The following HMCN1 variants were observed in gnomAD, a reference collection of about 807,000 sequenced individuals.
HMCN1 encodes the protein hemicentin 1.
Under a neutral mutation model 625.9 loss-of-function variants are expected in HMCN1, and 321 were observed. That is an observed-to-expected ratio of 0.51 (90% CI 0.47 to 0.56). The LOEUF (loss-of-function observed/expected upper bound fraction) is 0.56, where lower values mean the gene tolerates loss of function less well. HMCN1 is among the 20% of genes least tolerant of loss of function. HMCN1 has a pLI of 0.00. For synonymous variants in HMCN1, 2,425 were observed against 2,417.6 expected (o/e 1.00, Z -0.09); for missense variants, 6,588 against 6,887.3 (o/e 0.96, Z 1.54).
In HMCN1 at chr1:186,039,147, T is replaced by C. The variant is rs1656031382; in HGVS notation, c.6028+142T>C. 4 of 713,666 alleles carry C rather than the reference T, an allele frequency of 5.6e-6. No homozygotes were observed. In the South Asian group the frequency reaches 6.1e-5, roughly 11 times the overall value. 44.2% of individuals were successfully genotyped at this position (713,666 alleles called of 1,614,324 possible). A position where few individuals can be genotyped will look rare whatever the true frequency, so the allele number is the denominator to read the frequency against. ...TAAGGGCACAGTGTTCTAAAACTTA[T>C]AAATGTGCTTATTCCTGATTCCTAT... is the stretch of plus-strand genomic sequence containing the variant. On this transcript the variant is annotated intron_variant, in intron 38 of 106. Coordinates refer to ENST00000271588, the MANE Select transcript of HMCN1 (RefSeq NM_031935.3).
chr1:185,994,292 A>G (rs547851035), intron 23 of HMCN1, among the ~76,000 whole-genome samples: 1 of 152,252 alleles, frequency 6.6e-6, no homozygotes, highest in Non-Finnish European at 1.5e-5. Flanking sequence ...AAGTCGATAA[A>G]AGGAAGAGAT....
At chr1:185,931,439 G>T (rs1667544086) in intron 10 of HMCN1, among the ~76,000 whole-genome samples, 1 of 152,122 alleles carries the variant, frequency 6.6e-6, no homozygotes, top group Admixed American at 6.6e-5. Flanking sequence ...ATATTTCAAT[G>T]TGTATAATAT....
intron 12 of HMCN1, 84 bp from the exon 13 acceptor site, chr1:185,963,684 T>C: frequency 1.9e-6 from 2 of 1,057,832 alleles, no homozygotes; most frequent in Admixed American, 1.8e-5. Context: ...CGTTTGAAAA[T>C]ATTTTAAAGG....
intron 23 of HMCN1, among the ~76,000 whole-genome samples, chr1:185,994,140 G>A (rs1229713386): frequency 6.6e-6 from 1 of 152,070 alleles, no homozygotes; most frequent in Non-Finnish European, 1.5e-5. Flanking sequence ...TAGAAATTGT[G>A]CTTTTTAAGG....
intron 33 of HMCN1, among the ~76,000 whole-genome samples, chr1:186,017,854 A>T (rs72718882): frequency 0.022 from 3,309 of 152,116 alleles, 47 homozygotes; most frequent in Middle Eastern, 0.065. Context: ...TCAGGTATGC[A>T]TGCGTAATAA....
rs770741600 is a variant in HMCN1 at position 186,016,197 on chromosome 1, G to T, written c.5149G>T (p.Val1717Leu). 6.2e-7 allele frequency: 1 copy of T among 1,613,312 alleles called. No individual in the cohort carries two copies. Among genetic ancestry groups the T allele is most frequent in the Non-Finnish European group, 8.5e-7 (1 of 1,179,446 alleles). Residue 1717 changes from valine (V) to leucine (L), a missense_variant, in exon 32 of 107, where the codon GTG becomes TTG. Coordinates refer to ENST00000271588, the MANE Select transcript of HMCN1 (RefSeq NM_031935.3). Reference protein sequence around the residue: ...RGQYICVATSVAGEKEIKYEV... With the variant: ...RGQYICVATSLAGEKEIKYEV... ...ACAGTACATATGCGTGGCTACCAGT[G>T]TGGCAGGAGAAAAGGAAATCAAATA...
At chr1:186,080,463 G>A (rs1474543183) in intron 55 of HMCN1, among the ~76,000 whole-genome samples, 4 of 152,078 alleles carry the variant, frequency 2.6e-5, no homozygotes, top group African/African-American at 7.2e-5. Context: ...AAATTCTATG[G>A]GTAACGTGAT....
At chr1:185,764,502 T>C (rs773281064) in intron 1 of HMCN1, among the ~76,000 whole-genome samples, 58 of 152,198 alleles carry the variant, frequency 3.8e-4, no homozygotes, top group Non-Finnish European at 3.5e-4. Flanking sequence ...GATTGTAGCA[T>C]GGATTTTCTT....
chr1:186,085,131 C>A (rs1343060669), intron 57 of HMCN1, among the ~76,000 whole-genome samples: 1 of 152,096 alleles, frequency 6.6e-6, no homozygotes, highest in Non-Finnish European at 1.5e-5. Context: ...ACTGAGCCCT[C>A]CATACTGATT....
rs183724396 is a variant in HMCN1, at chr1:185,914,208, G to A, written c.900+2428G>A. 7.8e-4 allele frequency among the ~76,000 whole-genome samples: 118 copies of A among 152,166 alleles called. 2 individuals are homozygous for A. Among genetic ancestry groups the A allele is most frequent in the Non-Finnish European group, 1.3e-3 (85 of 67,970 alleles). On this transcript the variant is annotated intron_variant, in intron 6 of 106. Coordinates refer to ENST00000271588, the MANE Select transcript of HMCN1 (RefSeq NM_031935.3). ...GTATCAGGTTGTTACAAAGGAAATTGAACTGAATCTGATGACATAAAATAT... is the reference window on the plus strand; with the variant it reads ...GTATCAGGTTGTTACAAAGGAAATTAAACTGAATCTGATGACATAAAATAT...
chr1:185,865,683 A>G, intron 3 of HMCN1, 58 bp from the exon 4 acceptor site: 1 of 1,476,862 alleles, frequency 6.8e-7, no homozygotes, highest in Non-Finnish European at 9.4e-7. Flanking sequence ...GTCAATACAC[A>G]TATTTTTTTA....
chr1:186,156,431 T>A (rs1235295764), intron 97 of HMCN1, among the ~76,000 whole-genome samples: 1 of 152,188 alleles, frequency 6.6e-6, no homozygotes, highest in Non-Finnish European at 1.5e-5. Flanking sequence ...GAAGAAACTG[T>A]TTACCCTCAT....
At chr1:186,093,692 T>C in intron 66 of HMCN1, 23 bp downstream of exon 66, 1 of 1,612,652 alleles carries the variant, frequency 6.2e-7, no homozygotes, top group South Asian at 1.1e-5. Flanking sequence ...TGTGTCTGAT[T>C]TCCTAAACAG....
intron 1 of HMCN1, among the ~76,000 whole-genome samples, chr1:185,844,579 G>A (rs1661694633): frequency 6.6e-6 from 1 of 152,098 alleles, no homozygotes; most frequent in Non-Finnish European, 1.5e-5. Context: ...AAAACATTTT[G>A]TAAAAGCTAA....
chr1:185,858,562 CCTA>C (rs1662626001), intron 2 of HMCN1, among the ~76,000 whole-genome samples: 2 of 47,164 alleles, frequency 4.2e-5, no homozygotes, highest in African/African-American at 7.0e-4. Context: ...CAGCTATATG[CCTA>C]TATGCCACCA....
At chr1:185,963,538 ATG>A (rs1025206527) in intron 12 of HMCN1, among the ~76,000 whole-genome samples, 2 of 152,154 alleles carry the variant, frequency 1.3e-5, no homozygotes, top group African/African-American at 4.8e-5. Context: ...ATTAAAATAA[ATG>A]TAAAGTTTCT....
At chr1:185,948,142 C>T (rs992297466) in intron 11 of HMCN1, among the ~76,000 whole-genome samples, 6 of 152,122 alleles carry the variant, frequency 3.9e-5, no homozygotes, top group African/African-American at 1.4e-4. Flanking sequence ...GATCAGAGAT[C>T]CTGTAAAACA....
intron 68 of HMCN1, among the ~76,000 whole-genome samples, chr1:186,102,377 T>G (rs575568635): frequency 6.6e-6 from 1 of 152,054 alleles, no homozygotes; most frequent in Non-Finnish European, 1.5e-5. Context: ...TGGTAGAAAT[T>G]TTAGGAAGCA....
chr1:185,775,507 T>C (rs1284097867), intron 1 of HMCN1, among the ~76,000 whole-genome samples: 5 of 152,206 alleles, frequency 3.3e-5, no homozygotes, highest in Admixed American at 1.3e-4. Flanking sequence ...CATTTTTCTA[T>C]CTATCATATT....
Sources: gnomAD v4.1 joint callset for allele counts (sites outside exome capture counted in the v4.1 genomes callset) on GRCh38, gnomAD v4.1.1 for gene constraint, MANE v1.5 for transcripts, NCBI Gene and HGNC (gene_info 2026-07-23, HGNC 2026-07-21) for gene names.